Variants in APBA2 observed in about 807,000 individuals in gnomAD.
APBA2 encodes the protein amyloid beta precursor protein binding family A member 2, also known as amyloid-beta A4 precursor protein-binding family A member 2.
Under a neutral mutation model 75.0 loss-of-function variants are expected in APBA2, and 30 were observed. The ratio of observed to expected loss-of-function variants is 0.40; its 90% CI spans 0.30 to 0.54. APBA2 has a LOEUF of 0.54. Ranked by LOEUF, APBA2 falls within the 20% of genes least tolerant of loss-of-function variation. The pLI, the probability that APBA2 is intolerant of heterozygous loss-of-function variation, is 0.49. For synonymous variants in APBA2, 444 were observed against 409.6 expected, an observed-to-expected ratio of 1.08 and a Z score of -1.01; for missense variants, 801 against 1,016.1, an observed-to-expected ratio of 0.79 and a Z score of 2.88.
At chr15:28,915,008 TCACACACAC>T (rs1305890304) in intron 1 of APBA2, among the ~76,000 whole-genome samples, 1,761 of 112,686 alleles carry the variant, frequency 0.016, 36 homozygotes, top group African/African-American at 0.056. Flanking sequence ...CATACCCACC[TCACACACAC>T]CACACACACC....
chr15:29,017,214 C>G (rs935363819), intron 3 of APBA2, among the ~76,000 whole-genome samples: 1 of 152,006 alleles, frequency 6.6e-6, no homozygotes, highest in Admixed American at 6.6e-5. Flanking sequence ...CAGATGCACC[C>G]GGAGCTTGCT....
At chr15:29,053,227 A>G (rs2041692037) in intron 3 of APBA2, among the ~76,000 whole-genome samples, 1 of 152,060 alleles carries the variant, frequency 6.6e-6, no homozygotes, top group African/African-American at 2.4e-5. Flanking sequence ...CCCTCTGCTG[A>G]GCCCTCCAGC....
At chr15:29,024,506 A>G (rs1366393500) in intron 3 of APBA2, among the ~76,000 whole-genome samples, 2 of 152,016 alleles carry the variant, frequency 1.3e-5, no homozygotes, top group Admixed American at 1.3e-4. Flanking sequence ...TTTTTGTTCC[A>G]TTACACCTCT....
intron 6 of APBA2, among the ~76,000 whole-genome samples, chr15:29,084,422 A>G (rs1236945819): frequency 1.3e-5 from 2 of 152,018 alleles, no homozygotes; most frequent in Non-Finnish European, 2.9e-5. Context: ...TTCAGTATTT[A>G]CCCATTCATG....
rs766376050 is a variant in APBA2 at position 29,094,312 on chromosome 15, C to T, written c.1250C>T (p.Ala417Val). The change falls in exon 8 of 15, where the codon GCG becomes GTG. Residue 417 changes from alanine (A) to valine (V), a missense_variant and splice_region_variant. Transcript: ENST00000683413. ...AAGGCTGCTAAGATCAAGAAAAAAG[C>T]GGTGTGTAGGGCCTTGAGGCCCTGG... ...MQKAAKIKKK[A>V]NSEGDAQTLT... 3.0e-5 allele frequency: 48 copies of T among 1,614,038 alleles called. 1 individual carries two copies. The Admixed American group carries it at 4.5e-4, about 15-fold the overall frequency.
intron 4 of APBA2, among the ~76,000 whole-genome samples, chr15:29,068,527 G>A (rs2042477580): frequency 6.6e-6 from 1 of 152,230 alleles, no homozygotes; most frequent in Non-Finnish European, 1.5e-5. Context: ...AGTGCCAGGT[G>A]GATCACAGCC....
chr15:29,114,722 AG>A (rs1384098312), intron 14 of APBA2, among the ~76,000 whole-genome samples: 1 of 149,078 alleles, frequency 6.7e-6, no homozygotes, highest in East Asian at 2.0e-4. Context: ...GTGGGTGTAT[AG>A]GGGTGCATGA....
At chr15:28,908,315 G>GTTTTTTTTTTTTTTT (rs765084356) in intron 1 of APBA2, among the ~76,000 whole-genome samples, 11 of 137,594 alleles carry the variant, frequency 8.0e-5, no homozygotes, top group African/African-American at 3.0e-4. Context: ...TTGTTTTCTT[G>GTTTTTTTTTTTTTTT]TTTTTTTTTT....
intron 3 of APBA2, among the ~76,000 whole-genome samples, chr15:29,012,066 T>A (rs1372892658): frequency 1.3e-5 from 2 of 152,254 alleles, no homozygotes; most frequent in African/African-American, 4.8e-5. Flanking sequence ...TACTTTTCCC[T>A]GTTGTTAACA....
Position 28,927,580 on chromosome 15 carries a change from A to G in APBA2, c.-95+5831A>G, listed in dbSNP as rs577010984. On this transcript the variant is annotated intron_variant, in intron 2 of 14. Coordinates refer to ENST00000683413, the MANE Select transcript of APBA2 (RefSeq NM_001353788.2). ...GTTCTGTTCCCCTCCCCAACCCATT[A>G]TTATTATTTTTTTATTTTTATTTTT... Among the ~76,000 whole-genome samples, 152 of 151,222 alleles carry G rather than the reference A, an allele frequency of 1.0e-3. 3 individuals are homozygous for G. Among genetic ancestry groups the G allele is most frequent in the Middle Eastern group, 3.4e-3 (1 of 294 alleles).
chr15:28,916,077 G>A (rs1481407904), intron 1 of APBA2, among the ~76,000 whole-genome samples: 4 of 152,164 alleles, frequency 2.6e-5, no homozygotes, highest in Non-Finnish European at 5.9e-5. Flanking sequence ...CCCCGCCTGC[G>A]CACCCCCGGC....
chr15:29,107,747 C>T (rs1002386963), intron 12 of APBA2, among the ~76,000 whole-genome samples: 1 of 152,174 alleles, frequency 6.6e-6, no homozygotes, highest in Non-Finnish European at 1.5e-5. Flanking sequence ...CCCCACCGGA[C>T]CCCGGCGGCC....
chr15:29,100,710 C>T (rs2044077372), intron 9 of APBA2, among the ~76,000 whole-genome samples: 1 of 152,198 alleles, frequency 6.6e-6, no homozygotes, highest in Non-Finnish European at 1.5e-5. Flanking sequence ...TCCTCTTCTG[C>T]ACAGCAGGAA....
intron 3 of APBA2, among the ~76,000 whole-genome samples, chr15:29,009,749 C>A (rs572085374): frequency 6.6e-6 from 1 of 152,184 alleles, no homozygotes; most frequent in Non-Finnish European, 1.5e-5. Flanking sequence ...GGTGGTGTGA[C>A]AGTAGTTCAT....
intron 1 of APBA2, among the ~76,000 whole-genome samples, chr15:28,906,168 T>C (rs1235067863): frequency 6.6e-6 from 1 of 152,230 alleles, no homozygotes; most frequent in African/African-American, 2.4e-5. Flanking sequence ...CCCTTGTCCG[T>C]TGTGCATAGC....
chr15:28,974,812 G>A (rs1477586937), intron 2 of APBA2, among the ~76,000 whole-genome samples: 2 of 151,812 alleles, frequency 1.3e-5, no homozygotes, highest in Non-Finnish European at 2.9e-5. Flanking sequence ...GAAACCAAAC[G>A]AATTAATGGA....
At chr15:29,072,209 G>A (rs552822934) in intron 4 of APBA2, among the ~76,000 whole-genome samples, 2 of 152,260 alleles carry the variant, frequency 1.3e-5, no homozygotes, top group Admixed American at 1.3e-4. Flanking sequence ...ATTTCTTTGG[G>A]GTTTTTTTGG....
chr15:29,071,095 G>A (rs1316438965), intron 4 of APBA2: 1 of 456,540 alleles, frequency 2.2e-6, no homozygotes, highest in East Asian at 7.0e-5. Context: ...GATGGCCTGA[G>A]CGGAGTGAGT....
Position 29,027,979 on chromosome 15 carries a change from T to C in APBA2, c.-40-25866T>C, listed in dbSNP as rs143044128. Among the ~76,000 whole-genome samples the C allele has an allele frequency of 4.5e-4, 68 of 149,928 alleles. 1 individual carries two copies. Among genetic ancestry groups the C allele is most frequent in the African/African-American group, 1.5e-3 (61 of 40,858 alleles). On this transcript the variant is annotated intron_variant, in intron 3 of 14. Coordinates refer to ENST00000683413, the MANE Select transcript of APBA2 (RefSeq NM_001353788.2). ...AGACTTATTTTATACATTAACACTC[T>C]TTTCGTTTTTTTTTTTAATTTAATT...
Sources: allele counts gnomAD v4.1 joint callset (sites outside exome capture counted in the v4.1 genomes callset), GRCh38; gene constraint gnomAD v4.1.1; transcripts MANE v1.5; gene names NCBI Gene and HGNC (gene_info 2026-07-23, HGNC 2026-07-21).